SLA2: variants seen among roughly 807,000 people sequenced by gnomAD.
SLA2 encodes the protein src-like-adapter 2.
In SLA2, 22 loss-of-function variants were observed where a neutral mutation model predicts 27.3. That is an observed-to-expected ratio of 0.81 (90% CI 0.58 to 1.15). The LOEUF (loss-of-function observed/expected upper bound fraction) is 1.15. Among genes scored for constraint, SLA2 ranks in the 50% most tolerant of loss-of-function variants. SLA2 has a pLI of 0.00. For missense variants in SLA2, 304 were observed against 322.2 expected, an observed-to-expected ratio of 0.94 and a Z score of 0.43; for synonymous variants, 131 against 137.8, an observed-to-expected ratio of 0.95 and a Z score of 0.34.
At chr20:36,627,723 G>C (rs577224192) in intron 5 of SLA2, among the ~76,000 whole-genome samples, 1 of 152,334 alleles carries the variant, frequency 6.6e-6, no homozygotes, top group Non-Finnish European at 1.5e-5. Context: ...CCTTCACGGA[G>C]CAAGATTTGG....
intron 5 of SLA2, among the ~76,000 whole-genome samples, chr20:36,617,061 A>AT (rs2039220620): frequency 6.6e-6 from 1 of 150,650 alleles, no homozygotes; most frequent in South Asian, 2.1e-4. Flanking sequence ...AAATAAATAA[A>AT]AAACCCAAGG....
At chr20:36,641,486 G>A in intron 1 of SLA2, 108 bp from the exon 2 acceptor site, 2 of 602,186 alleles carry the variant, frequency 3.3e-6, no homozygotes, top group Non-Finnish European at 6.0e-6. Flanking sequence ...GCATGTGAAT[G>A]ACCTCCCTCC....
At chr20:36,626,643 C>G (rs1009545088) in intron 5 of SLA2, among the ~76,000 whole-genome samples, 1 of 151,538 alleles carries the variant, frequency 6.6e-6, no homozygotes, top group Non-Finnish European at 1.5e-5. Flanking sequence ...GTCAGGAGAT[C>G]GAGACCATCC....
intron 4 of SLA2, 69 bp from the exon 5 acceptor site, chr20:36,632,767 C>T (rs2039405495): frequency 1.4e-5 from 18 of 1,260,536 alleles, no homozygotes. Context: ...AAGATTTTAC[C>T]ACCACCGCTG....
chr20:36,622,971 A>G (rs552792185), intron 5 of SLA2, among the ~76,000 whole-genome samples: 1 of 152,316 alleles, frequency 6.6e-6, no homozygotes, highest in East Asian at 1.9e-4. Context: ...AGCATCTGTG[A>G]AAAATCTACA....
At chr20:36,636,623 A>T (rs770311047) in intron 2 of SLA2, among the ~76,000 whole-genome samples, 1,535 of 114,632 alleles carry the variant, frequency 0.013, 48 homozygotes, top group African/African-American at 0.049. Context: ...AAAAAAAAAA[A>T]ATATATATAT....
chr20:36,626,587 C>T (rs796351115), intron 5 of SLA2, among the ~76,000 whole-genome samples: 14 of 151,152 alleles, frequency 9.3e-5, no homozygotes, highest in African/African-American at 3.4e-4. Context: ...GTGGCTCATG[C>T]CTGTAATCCC....
intron 2 of SLA2, among the ~76,000 whole-genome samples, chr20:36,640,505 CTTTT>C (rs1162794643): frequency 0.015 from 1,937 of 133,242 alleles, 41 homozygotes; most frequent in African/African-American, 0.05. Context: ...GATGAAAGAC[CTTTT>C]TTTTTTTTTT....
intron 5 of SLA2, 26 bp downstream of exon 5, chr20:36,632,569 C>T (rs760453400): frequency 1.3e-6 from 2 of 1,580,374 alleles, no homozygotes; most frequent in Non-Finnish European, 1.7e-6. Flanking sequence ...GTAGGGAGGG[C>T]CTGGGCTGGC....
At chr20:36,635,717 C>A (rs1175306767) in intron 2 of SLA2, among the ~76,000 whole-genome samples, 1 of 152,046 alleles carries the variant, frequency 6.6e-6, no homozygotes. Context: ...ATGATGCACA[C>A]CTTGTGATGG....
chr20:36,633,282 TCCA>T (rs888302845), intron 4 of SLA2, among the ~76,000 whole-genome samples: 1 of 152,110 alleles, frequency 6.6e-6, no homozygotes, highest in African/African-American at 2.4e-5. Flanking sequence ...TTCAGCATTT[TCCA>T]CCACGAGATC....
rs7271461 is a variant in SLA2 at position 36,615,094 on chromosome 20, G to A, written c.532+131C>T. ...TGCATTTCTTGGCATAGGGACTGGC[G>A]TGAAAATAGGGGAGGCCGCTCTTCT... On this transcript the variant is annotated intron_variant, in intron 6 of 7. Transcript: ENST00000262866. 156 of 1,484,884 alleles carry A rather than the reference G, an allele frequency of 1.1e-4. No individual in the cohort carries two copies. In the African/African-American group the frequency reaches 1.1e-3, roughly 10 times the overall value. The allele number at this position is 1,484,884 out of a possible 1,614,324, so 92.0% of individuals were successfully genotyped here.
At chr20:36,644,510 C>T (rs1276369102) in intron 1 of SLA2, among the ~76,000 whole-genome samples, 2 of 152,240 alleles carry the variant, frequency 1.3e-5, no homozygotes, top group African/African-American at 4.8e-5. Context: ...AACTGAGAGA[C>T]TCCTTCCTGC....
Position 36,614,302 on chromosome 20 carries a change from T to G in SLA2, c.665+3A>C, listed in dbSNP as rs1231952345. ...TCATGTTTCCAGGAGTCCCCAACTT[T>G]ACCTGTCCAGCTCTTTCCAGTTGAG... is the stretch of plus-strand genomic sequence containing the variant. On this transcript the variant is annotated splice_donor_region_variant and intron_variant, in intron 7 of 7. Transcript: ENST00000262866. 6.2e-7 allele frequency: 1 copy of G among 1,614,148 alleles called. No homozygotes were observed. The highest frequency in any genetic ancestry group is 1.7e-5 in the Admixed American group (1 of 60,012).
chr20:36,629,590 A>G (rs1366270744), intron 5 of SLA2, among the ~76,000 whole-genome samples: 2 of 152,132 alleles, frequency 1.3e-5, no homozygotes, highest in Non-Finnish European at 2.9e-5. Context: ...CCTGGCCAAC[A>G]TGATGAAACC....
At chr20:36,641,671 T>C (rs2039508097) in intron 1 of SLA2, among the ~76,000 whole-genome samples, 1 of 152,178 alleles carries the variant, frequency 6.6e-6, no homozygotes, top group African/African-American at 2.4e-5. Context: ...TTCAGTCCTG[T>C]TTGGATCCCA....
chr20:36,616,229 A>G (rs2039208398), intron 5 of SLA2, among the ~76,000 whole-genome samples: 1 of 152,056 alleles, frequency 6.6e-6, no homozygotes, highest in Admixed American at 6.5e-5. Flanking sequence ...CAGTTTTATT[A>G]GTGCTGCTCA....
intron 1 of SLA2, 102 bp downstream of exon 1, chr20:36,645,731 GTTTT>G (rs1234843835): frequency 6.6e-6 from 1 of 152,130 alleles, no homozygotes; most frequent in Non-Finnish European, 1.5e-5. Context: ...CCTTGAGCTT[GTTTT>G]TTTCCCAACA....
At chr20:36,633,652 G>C (rs372182841) in intron 3 of SLA2, 23 bp from the exon 4 acceptor site, 2 of 1,598,372 alleles carry the variant, frequency 1.3e-6, no homozygotes, top group African/African-American at 2.7e-5. Context: ...AGGAGTGGGG[G>C]CACCTCTTTC....
Sources: gnomAD v4.1 joint callset for allele counts (sites outside exome capture counted in the v4.1 genomes callset) on GRCh38, gnomAD v4.1.1 for gene constraint, MANE v1.5 for transcripts, NCBI Gene and HGNC (gene_info 2026-07-23, HGNC 2026-07-21) for gene names.